Variants in FAM149B1 observed in about 807,000 individuals in gnomAD.
FAM149B1 encodes the protein family with sequence similarity 149 member B1, also known as primary cilium assembly protein FAM149B1.
A neutral mutation model predicts 75.3 loss-of-function variants in FAM149B1; 56 were observed. That is an observed-to-expected ratio of 0.74 (90% CI 0.60 to 0.93). The LOEUF (loss-of-function observed/expected upper bound fraction) is 0.93, where lower values mean the gene tolerates loss of function less well. Among genes scored for constraint, FAM149B1 ranks in the 40% least tolerant of loss-of-function variants. The pLI is 0.00. For missense variants in FAM149B1, 639 were observed against 708.4 expected (o/e 0.90, Z 1.11); for synonymous variants, 259 against 256.1 (o/e 1.01, Z -0.11).
Position 73,202,417 on chromosome 10 carries a change from G to C in FAM149B1, c.543-6202G>C, listed in dbSNP as rs72812282. On this transcript the variant is annotated intron_variant, in intron 5 of 13. Transcript: ENST00000242505. ...TGGAATAATACGATAGCAGAATAACGTAATGGAATGTTGGGTATACATTCC... is the reference window on the plus strand; with the variant it reads ...TGGAATAATACGATAGCAGAATAACCTAATGGAATGTTGGGTATACATTCC... Among the ~76,000 whole-genome samples, 508 of 151,566 alleles carry C rather than the reference G, an allele frequency of 3.4e-3. 1 individual carries two copies. The highest frequency in any genetic ancestry group is 0.01 in the Middle Eastern group (3 of 292).
chr10:73,178,777 C>T (rs1448529448), intron 3 of FAM149B1, among the ~76,000 whole-genome samples: 1 of 152,124 alleles, frequency 6.6e-6, no homozygotes, highest in Admixed American at 6.5e-5. Flanking sequence ...AATATTTACT[C>T]AAAATATTGT....
chr10:73,243,783 G>C lies in FAM149B1; in HGVS notation c.*2764G>C. The C allele has an allele frequency of 6.9e-7, 1 of 1,446,996 alleles. No individual in the cohort carries two copies. Among genetic ancestry groups the C allele is most frequent in the Admixed American group, 1.9e-5 (1 of 52,902 alleles). 89.6% of individuals were successfully genotyped at this position (1,446,996 alleles called of 1,614,324 possible). On this transcript the variant is annotated 3_prime_UTR_variant, in exon 14 of 14. Coordinates refer to ENST00000242505, the MANE Select transcript of FAM149B1 (RefSeq NM_173348.2). ...AGAAAACAAAATACAACATTCCAAA[G>C]AAAATATTAGCAGTAGGAATCAGAT...
intron 7 of FAM149B1, among the ~76,000 whole-genome samples, chr10:73,221,804 T>C (rs1345272208): frequency 2.6e-5 from 4 of 152,190 alleles, no homozygotes; most frequent in African/African-American, 9.6e-5. Flanking sequence ...AGGTAACTCA[T>C]GCTTTAAAAA....
At position 73,210,272 on chromosome 10, in the gene FAM149B1, G is replaced by A; in HGVS notation, c.732G>A (p.Lys244=). The A allele has an allele frequency of 6.4e-7, 1 of 1,551,144 alleles. No individual in the cohort carries two copies. Among genetic ancestry groups the A allele is most frequent in the Non-Finnish European group, 8.7e-7 (1 of 1,146,472 alleles). The change falls in exon 7 of 14, where the codon AAG becomes AAA. Residue 244 remains lysine, a synonymous_variant. Transcript: ENST00000242505. ...ACAGAGAAGAGGGATTTCATGGGAAGAAATCAGAAGCAGCTACAGAGAAAC... is the reference window on the plus strand; with the variant it reads ...ACAGAGAAGAGGGATTTCATGGGAAAAAATCAGAAGCAGCTACAGAGAAAC... ...HIDIEEGFHG[K]KSEAATEKQK...
chr10:73,237,258 C>G (rs1291774699), intron 12 of FAM149B1, among the ~76,000 whole-genome samples: 2 of 152,120 alleles, frequency 1.3e-5, no homozygotes, highest in Non-Finnish European at 2.9e-5. Context: ...GAGAAACTCA[C>G]CAAAAACAAG....
chr10:73,209,974 G>A (rs2043152237), intron 6 of FAM149B1, among the ~76,000 whole-genome samples: 1 of 152,120 alleles, frequency 6.6e-6, no homozygotes, highest in African/African-American at 2.4e-5. Flanking sequence ...CCTAGGGCCA[G>A]CTAAATATAA....
At chr10:73,182,211 C>CTTTTTTTTTTTT (rs1193905747) in intron 3 of FAM149B1, among the ~76,000 whole-genome samples, 4 of 109,396 alleles carry the variant, frequency 3.7e-5, no homozygotes, top group Admixed American at 9.5e-5. Context: ...CAGTCTGTGT[C>CTTTTTTTTTTTT]TTTTTTTTTT....
intron 9 of FAM149B1, among the ~76,000 whole-genome samples, chr10:73,231,647 T>TTAAG (rs1554863436): frequency 2.0e-5 from 3 of 151,924 alleles, no homozygotes; most frequent in African/African-American, 7.3e-5. Flanking sequence ...GGAGTGAAAT[T>TTAAG]TAAGTGAAAT....
chr10:73,200,750 G>C, intron 5 of FAM149B1: 1 of 454,268 alleles, frequency 2.2e-6, no homozygotes, highest in East Asian at 5.2e-5. Context: ...TGAAGGAATC[G>C]AACAGTTTTA....
At chr10:73,218,862 C>T (rs969019470) in intron 7 of FAM149B1, among the ~76,000 whole-genome samples, 1 of 152,132 alleles carries the variant, frequency 6.6e-6, no homozygotes, top group Non-Finnish European at 1.5e-5. Flanking sequence ...ATTTATCTCT[C>T]TCATCTTACA....
intron 9 of FAM149B1, among the ~76,000 whole-genome samples, chr10:73,231,925 T>TAAA (rs10693492): frequency 0.083 from 11,776 of 141,908 alleles, 706 homozygotes; most frequent in East Asian, 0.3. Context: ...TAGGGTGTGT[T>TAAA]AAAAAAAAAA....
chr10:73,223,487 G>A (rs551685061), intron 7 of FAM149B1, among the ~76,000 whole-genome samples: 1 of 152,232 alleles, frequency 6.6e-6, no homozygotes, highest in East Asian at 1.9e-4. Context: ...ATACTATTAT[G>A]AATATTTTTG....
chr10:73,231,179 TGAG>T (rs1040166113), intron 9 of FAM149B1: 1 of 152,284 alleles, frequency 6.6e-6, no homozygotes, highest in Admixed American at 6.5e-5. Context: ...CCTCCCTTGC[TGAG>T]GAGTATTCTA....
At chr10:73,192,724 T>C in intron 4 of FAM149B1, 26 bp downstream of exon 4, 1 of 1,490,514 alleles carries the variant, frequency 6.7e-7, no homozygotes, top group Non-Finnish European at 8.9e-7. Context: ...AGTTGACTTG[T>C]ATTCATGGCT....
intron 5 of FAM149B1, among the ~76,000 whole-genome samples, chr10:73,197,961 ATAATATC>A (rs1280210588): frequency 6.6e-6 from 1 of 152,238 alleles, no homozygotes; most frequent in African/African-American, 2.4e-5. Context: ...ATAACTAACT[ATAATATC>A]TAATGAGTGG....
chr10:73,203,643 A>ATTTTTT (rs200573557), intron 5 of FAM149B1, among the ~76,000 whole-genome samples: 2 of 145,926 alleles, frequency 1.4e-5, no homozygotes, highest in African/African-American at 2.5e-5. Flanking sequence ...TGTGATCATA[A>ATTTTTT]TTTTTTTTTT....
In FAM149B1 at chr10:73,243,612, A is replaced by G. The variant is rs2043977151; in HGVS notation, c.*2593A>G. Reference sequence around the variant, plus strand: ...CAGGGGCTGGAAAAGTGGAATAACTACTAATGGGTATGGAGTTTTTTTGGA... The same window carrying G: ...CAGGGGCTGGAAAAGTGGAATAACTGCTAATGGGTATGGAGTTTTTTTGGA... On this transcript the variant is annotated 3_prime_UTR_variant, in exon 14 of 14. Coordinates refer to ENST00000242505, the MANE Select transcript of FAM149B1 (RefSeq NM_173348.2). 7 of 1,497,558 alleles carry G rather than the reference A, an allele frequency of 4.7e-6. No individual in the cohort carries two copies. Among genetic ancestry groups the G allele is most frequent in the Non-Finnish European group, 6.4e-6 (7 of 1,095,714 alleles). 92.8% of individuals were successfully genotyped at this position (1,497,558 alleles called of 1,614,324 possible). A position where few individuals can be genotyped will look rare whatever the true frequency, so the allele number is the denominator to read the frequency against.
At position 73,243,192 on chromosome 10, in the gene FAM149B1, G is replaced by A. The variant is rs563701458; in HGVS notation, c.*2173G>A. The A allele has an allele frequency of 5.4e-5, 30 of 550,470 alleles. No individual in the cohort carries two copies. Among genetic ancestry groups the A allele is most frequent in the Non-Finnish European group, 9.5e-5 (30 of 314,336 alleles). The allele number at this position is 550,470 out of a possible 1,614,324, so 34.1% of individuals were successfully genotyped here. On this transcript the variant is annotated 3_prime_UTR_variant, in exon 14 of 14. Coordinates refer to ENST00000242505, the MANE Select transcript of FAM149B1 (RefSeq NM_173348.2). ...CAAATGTCACCACCAAGTTCCTTCAGGTGAGACCTCACACAATGTCAAGTG... is the reference window on the plus strand; with the variant it reads ...CAAATGTCACCACCAAGTTCCTTCAAGTGAGACCTCACACAATGTCAAGTG...
At chr10:73,192,803 T>TA in intron 4 of FAM149B1, 105 bp downstream of exon 4, 1 of 1,089,268 alleles carries the variant, frequency 9.2e-7, no homozygotes, top group African/African-American at 1.6e-5. Context: ...AGCATGACTT[T>TA]AATGAATGTA....
Sources: allele counts gnomAD v4.1 joint callset (sites outside exome capture counted in the v4.1 genomes callset), GRCh38; gene constraint gnomAD v4.1.1; transcripts MANE v1.5; gene names NCBI Gene and HGNC (gene_info 2026-07-23, HGNC 2026-07-21).